SYNJ1: variants seen among roughly 807,000 people sequenced by gnomAD.
SYNJ1 encodes the protein synaptojanin 1.
In SYNJ1, 78 loss-of-function variants were observed where a neutral mutation model predicts 168.2. That is an observed-to-expected ratio of 0.46 (90% CI 0.39 to 0.56). The LOEUF is 0.56. Among genes scored for constraint, SYNJ1 ranks in the 20% least tolerant of loss-of-function variants. SYNJ1 has a pLI of 0.00. For synonymous variants in SYNJ1, 539 were observed against 548.6 expected (o/e 0.98, Z 0.24); for missense variants, 1,303 against 1,597.6 (o/e 0.82, Z 3.14).
intron 32 of SYNJ1, among the ~76,000 whole-genome samples, chr21:32,632,684 C>G (rs2039388751): frequency 6.6e-6 from 1 of 152,200 alleles, no homozygotes. Flanking sequence ...CCATGCCCGG[C>G]ACAGCTGACT....
At chr21:32,705,397 T>G (rs1345708015) in intron 2 of SYNJ1, among the ~76,000 whole-genome samples, 1 of 152,150 alleles carries the variant, frequency 6.6e-6, no homozygotes, top group Non-Finnish European at 1.5e-5. Context: ...GAGAAATGGT[T>G]GATTCCAGGG....
intron 11 of SYNJ1, among the ~76,000 whole-genome samples, chr21:32,679,292 G>A (rs938227481): frequency 3.9e-5 from 6 of 152,060 alleles, no homozygotes; most frequent in African/African-American, 1.4e-4. Flanking sequence ...GCTTACATGA[G>A]TTAAAATTAA....
At chr21:32,670,414 A>C (rs756252133) in intron 14 of SYNJ1, 42 bp from the exon 15 acceptor site, 1 of 1,477,262 alleles carries the variant, frequency 6.8e-7, no homozygotes, top group South Asian at 1.2e-5. Context: ...ATATAGCCTC[A>C]GGCAAATAGC....
At chr21:32,727,144 G>A (rs967710818) in intron 1 of SYNJ1, among the ~76,000 whole-genome samples, 2 of 152,108 alleles carry the variant, frequency 1.3e-5, no homozygotes, top group African/African-American at 4.8e-5. Context: ...GGCAAGACAA[G>A]GTTTTAGCAC....
chr21:32,645,775 C>G lies in SYNJ1; in HGVS notation c.3262G>C (p.Ala1088Pro). Residue 1088 changes from alanine to proline, a missense_variant, in exon 25 of 33, where the codon GCG (alanine) becomes CCG (proline). Coordinates refer to ENST00000674351, the MANE Select transcript of SYNJ1 (RefSeq NM_203446.3). ...PPSAQSSPID[A>P]QPATPLPQKD... is the part of the protein sequence containing the mutation. ...TGCGGCAGCGGCGTTGCTGGCTGCG[C>G]GTCAATAGGAGAACCTAAAAAGCGC... is the stretch of plus-strand genomic sequence containing the variant. 6.8e-7 allele frequency: 1 copy of G among 1,470,098 alleles called. No individual in the cohort carries two copies. Among genetic ancestry groups the G allele is most frequent in the Middle Eastern group, 1.8e-4 (1 of 5,566 alleles). 91.1% of individuals were successfully genotyped at this position (1,470,098 alleles called of 1,614,324 possible).
intron 13 of SYNJ1, 77 bp downstream of exon 13, chr21:32,676,255 T>C: frequency 8.3e-7 from 1 of 1,199,254 alleles, no homozygotes; most frequent in South Asian, 1.6e-5. Flanking sequence ...TATATGGCTT[T>C]ATTTGTTTAC....
At chr21:32,637,663 G>A (rs538929330) in intron 31 of SYNJ1, among the ~76,000 whole-genome samples, 99 of 152,180 alleles carry the variant, frequency 6.5e-4, no homozygotes, top group African/African-American at 2.3e-3. Context: ...CGATCGACCC[G>A]CCATGGCCTC....
intron 11 of SYNJ1, 71 bp downstream of exon 11, chr21:32,681,425 G>A: frequency 6.8e-7 from 1 of 1,466,784 alleles, no homozygotes; most frequent in Non-Finnish European, 9.1e-7. Flanking sequence ...ACTTTTAAAA[G>A]GCCATTTAAA....
chr21:32,714,665 G>A (rs1458833951), intron 2 of SYNJ1, among the ~76,000 whole-genome samples: 11 of 152,138 alleles, frequency 7.2e-5, no homozygotes, highest in Non-Finnish European at 1.2e-4. Flanking sequence ...GGAAAGATCA[G>A]GTTTGAGGAT....
intron 18 of SYNJ1, among the ~76,000 whole-genome samples, chr21:32,662,111 C>G (rs928330109): frequency 6.6e-6 from 1 of 152,144 alleles, no homozygotes; most frequent in South Asian, 2.1e-4. Flanking sequence ...AAACCTGCAG[C>G]TGCTGAAACT....
chr21:32,692,676 C>T (rs999003621), intron 6 of SYNJ1, among the ~76,000 whole-genome samples: 16 of 152,148 alleles, frequency 1.1e-4, no homozygotes, highest in Non-Finnish European at 1.8e-4. Context: ...ACAAGGAAGT[C>T]CCACTCAAGG....
At chr21:32,652,842 A>G (rs1489103898) in intron 22 of SYNJ1, among the ~76,000 whole-genome samples, 2 of 152,204 alleles carry the variant, frequency 1.3e-5, no homozygotes, top group Non-Finnish European at 1.5e-5. Context: ...AAATTAATTT[A>G]GTTATGTTTG....
At chr21:32,686,121 C>T (rs959355637) in intron 8 of SYNJ1, among the ~76,000 whole-genome samples, 14 of 152,052 alleles carry the variant, frequency 9.2e-5, no homozygotes, top group African/African-American at 3.4e-4. Flanking sequence ...AAATTATTTC[C>T]AATTGCCAGC....
At chr21:32,672,059 C>CAAAAAAAAAAAAAAAAAAAAA (rs1160074724) in intron 14 of SYNJ1, among the ~76,000 whole-genome samples, 9 of 24,654 alleles carry the variant, frequency 3.7e-4, no homozygotes, top group African/African-American at 5.3e-4. Context: ...AACTCAATCT[C>CAAAAAAAAAAAAAAAAAAAAA]AAAAAAAAAA....
At chr21:32,689,303 C>CT (rs905104465) in intron 6 of SYNJ1, among the ~76,000 whole-genome samples, 118 of 151,882 alleles carry the variant, frequency 7.8e-4, no homozygotes, top group African/African-American at 2.3e-3. Flanking sequence ...GAACAAAGTG[C>CT]TTTTTTTTGT....
Position 32,663,694 on chromosome 21 carries a change from A to C in SYNJ1, c.2304+1219T>G, listed in dbSNP as rs575999331. ...AATCATACAATATTACAGACCTGCT[A>C]CTTGGGCACAAGATGGCTCGTGGGG... On this transcript the variant is annotated intron_variant, in intron 18 of 32. Transcript: ENST00000674351. 2.6e-5 allele frequency among the ~76,000 whole-genome samples: 4 copies of C among 152,324 alleles called. No individual in the cohort carries two copies. The East Asian group carries it at 7.7e-4, about 29-fold the overall frequency.
intron 3 of SYNJ1, 70 bp downstream of exon 3, chr21:32,701,891 C>A: frequency 8.8e-7 from 1 of 1,130,266 alleles, no homozygotes; most frequent in Non-Finnish European, 1.3e-6. Context: ...ATAGCTAGTC[C>A]CTCTCAAATC....
At chr21:32,651,594 T>A (rs960878499) in intron 22 of SYNJ1, among the ~76,000 whole-genome samples, 8 of 152,192 alleles carry the variant, frequency 5.3e-5, no homozygotes, top group African/African-American at 1.9e-4. Flanking sequence ...TTTATATTCA[T>A]CAAAAAATAC....
chr21:32,644,891 A>G, intron 26 of SYNJ1, 77 bp downstream of exon 26: 1 of 1,489,764 alleles, frequency 6.7e-7, no homozygotes, highest in Non-Finnish European at 9.2e-7. Context: ...CTTTTATCAA[A>G]CAAATCTAAA....
Sources: allele counts gnomAD v4.1 joint callset (sites outside exome capture counted in the v4.1 genomes callset), GRCh38; gene constraint gnomAD v4.1.1; transcripts MANE v1.5; gene names NCBI Gene and HGNC (gene_info 2026-07-23, HGNC 2026-07-21).